NCBP3: variants seen among roughly 807,000 people sequenced by gnomAD.
NCBP3 encodes the protein nuclear cap binding subunit 3, also known as nuclear cap-binding protein subunit 3.
A neutral mutation model predicts 75.7 loss-of-function variants in NCBP3; 20 were observed. That is an observed-to-expected ratio of 0.26 (90% CI 0.19 to 0.38). The LOEUF (loss-of-function observed/expected upper bound fraction) is 0.38. Ranked by LOEUF, NCBP3 falls within the 10% of genes least tolerant of loss-of-function variation. NCBP3 has a pLI of 1.00. For synonymous variants in NCBP3, 293 were observed against 290.5 expected, an observed-to-expected ratio of 1.01 and a Z score of -0.09; for missense variants, 678 against 796.9, an observed-to-expected ratio of 0.85 and a Z score of 1.80.
Position 3,804,524 on chromosome 17 carries a change from C to T in NCBP3, c.*8520G>A, listed in dbSNP as rs150313350. 2,939 of 151,952 alleles carry T rather than the reference C, an allele frequency of 0.019. 28 individuals are homozygous for T. Among genetic ancestry groups the T allele is most frequent in the Middle Eastern group, 0.035 (10 of 284 alleles). 9.4% of individuals were successfully genotyped at this position (151,952 alleles called of 1,614,324 possible). A position where few individuals can be genotyped will look rare whatever the true frequency, so the allele number is the denominator to read the frequency against. On this transcript the variant is annotated 3_prime_UTR_variant, in exon 13 of 13. Transcript: ENST00000389005. ...CTGCGCCATTGCACTCCAGCCTGGG[C>T]GACAAGAGCAAGACTTCATCTCCAA...
rs1207022428 is a variant in NCBP3, at chr17:3,809,125, G to GTAT, written c.*3916_*3918dup. 5 of 151,994 alleles carry GTAT rather than the reference G, an allele frequency of 3.3e-5. No individual in the cohort carries two copies. Among genetic ancestry groups the GTAT allele is most frequent in the East Asian group, 3.9e-4 (2 of 5,152 alleles). The allele number at this position is 151,994 out of a possible 1,614,324, so 9.4% of individuals were successfully genotyped here. A position where few individuals can be genotyped will look rare whatever the true frequency, so the allele number is the denominator to read the frequency against. ...TAACGAAACCCCATCTGTACAAAAT[G>GTAT]TATTTTAAAAAGAAAAAATAAAAAC... On this transcript the variant is annotated 3_prime_UTR_variant, in exon 13 of 13. Transcript: ENST00000389005.
intron 1 of NCBP3, 47 bp downstream of exon 1, chr17:3,845,994 A>T: frequency 6.6e-7 from 1 of 1,522,090 alleles, no homozygotes; most frequent in Non-Finnish European, 8.9e-7. Flanking sequence ...CCGGCGCTAG[A>T]CACTAGCCCC....
chr17:3,820,929 T>TAAA (rs560315361), intron 9 of NCBP3, among the ~76,000 whole-genome samples: 1 of 140,232 alleles, frequency 7.1e-6, no homozygotes, highest in African/African-American at 2.6e-5. Context: ...GACTCCGTCT[T>TAAA]AAAAAAAAAA....
chr17:3,835,906 C>T (rs2053964586), intron 3 of NCBP3, among the ~76,000 whole-genome samples: 2 of 152,210 alleles, frequency 1.3e-5, no homozygotes, highest in Admixed American at 6.5e-5. Flanking sequence ...TAGGAACACA[C>T]GTTTCAGTCA....
Position 3,846,194 on chromosome 17 carries a change from C to T in NCBP3, c.30G>A (p.Ser10=), listed in dbSNP as rs945584516. The T allele has an allele frequency of 1.1e-4, 166 of 1,506,844 alleles. No individual in the cohort carries two copies. In the Middle Eastern group the frequency reaches 1.7e-3, roughly 15 times the overall value. 93.3% of individuals were successfully genotyped at this position (1,506,844 alleles called of 1,614,324 possible). A position where few individuals can be genotyped will look rare whatever the true frequency, so the allele number is the denominator to read the frequency against. MAAVRGLRV[S]VKAEAPAGPA... ...GCCCCGCCGGGGCCTCCGCCTTCAC[C>T]GACACCCGCAGGCCCCGTACGGCCG... The change falls in exon 1 of 13, where the codon TCG becomes TCA. Residue 10 remains serine, a synonymous_variant. Transcript: ENST00000389005. This position sits in a 1 kb window ranked among gnomAD's most constrained non-coding sequence, Gnocchi z 4.6.
In NCBP3 at chr17:3,821,268, C is replaced by T. The variant is rs749386187; in HGVS notation, c.981G>A (p.Ser327=). ...AACTACCAGAATGTCGATGTTTATACGACGTCAAGCCAACGTCATCCCCAA... is the reference window on the plus strand; with the variant it reads ...AACTACCAGAATGTCGATGTTTATATGACGTCAAGCCAACGTCATCCCCAA... ...ALIGDDVGLT[S]YKHRHSGLVN... The change falls in exon 9 of 13, where the codon TCG becomes TCA. Residue 327 remains serine, a synonymous_variant. Transcript: ENST00000389005. The T allele has an allele frequency of 1.6e-5, 26 of 1,613,064 alleles. No individual in the cohort carries two copies. The highest frequency in any genetic ancestry group is 4.5e-5 in the East Asian group (2 of 44,872).
intron 10 of NCBP3, 145 bp from the exon 11 acceptor site, chr17:3,816,415 T>A: frequency 1.3e-6 from 1 of 749,348 alleles, no homozygotes; most frequent in Non-Finnish European, 2.1e-6. Context: ...CATAAACTTA[T>A]AATTATTTGC....
chr17:3,807,126 G>A lies in NCBP3; in HGVS notation c.*5918C>T, dbSNP rs533102926. ...GCTTTAGGCAAAAGAGCCACTGGAG[G>A]AATGAGCTCTGCTCTTTTCACCTGC... is the stretch of plus-strand genomic sequence containing the variant. On this transcript the variant is annotated 3_prime_UTR_variant, in exon 13 of 13. Transcript: ENST00000389005. 4 of 152,356 alleles carry A rather than the reference G, an allele frequency of 2.6e-5. No individual in the cohort carries two copies. In the East Asian group the frequency reaches 7.7e-4, roughly 29 times the overall value. The allele number at this position is 152,356 out of a possible 1,614,324, so 9.4% of individuals were successfully genotyped here.
At chr17:3,814,255 T>G (rs1317074560) in intron 12 of NCBP3, 67 bp downstream of exon 12, 30 of 1,513,558 alleles carry the variant, frequency 2.0e-5, no homozygotes, top group Non-Finnish European at 2.7e-5. Flanking sequence ...AAAGTATTTC[T>G]CCAATACACC....
In NCBP3 at chr17:3,802,706, TC is replaced by T. The variant is rs566148233; in HGVS notation, c.*10337del. ...GGCACTGGGGAGAGTCACAGTGGTC[TC>T]CTCTCCCCCGCATTGGCCTAAAGCA... On this transcript the variant is annotated 3_prime_UTR_variant, in exon 13 of 13. Coordinates refer to ENST00000389005, the MANE Select transcript of NCBP3 (RefSeq NM_001114118.3). 5.9e-5 allele frequency: 9 copies of T among 152,222 alleles called. No individual in the cohort carries two copies. Among genetic ancestry groups the T allele is most frequent in the Non-Finnish European group, 1.2e-4 (8 of 68,072 alleles). 9.4% of individuals were successfully genotyped at this position (152,222 alleles called of 1,614,324 possible).
Position 3,840,020 on chromosome 17 carries a change from G to C in NCBP3, c.355+80C>G. On this transcript the variant is annotated intron_variant, in intron 3 of 12. Transcript: ENST00000389005. ...GATAAGGAGTGGACACGCAAGGCAA[G>C]GCCAGAAGCATGAGGTGATGGCAGG... 3 of 1,122,742 alleles carry C rather than the reference G, an allele frequency of 2.7e-6. No individual in the cohort carries two copies. In the South Asian group the frequency reaches 4.0e-5, roughly 15 times the overall value. 69.5% of individuals were successfully genotyped at this position (1,122,742 alleles called of 1,614,324 possible). A position where few individuals can be genotyped will look rare whatever the true frequency, so the allele number is the denominator to read the frequency against.
intron 11 of NCBP3, 66 bp downstream of exon 11, chr17:3,816,050 T>A (rs756666614): frequency 5.3e-6 from 8 of 1,501,950 alleles, no homozygotes; most frequent in Non-Finnish European, 7.2e-6. Flanking sequence ...CTCAGGAACC[T>A]CTCTCTGCCC....
chr17:3,820,414 C>A (rs560411629), intron 9 of NCBP3, among the ~76,000 whole-genome samples: 1 of 152,154 alleles, frequency 6.6e-6, no homozygotes, highest in South Asian at 2.1e-4. Context: ...GTAGAAGATT[C>A]CATAGATTAG....
chr17:3,825,084 T>A, intron 6 of NCBP3, 34 bp from the exon 7 acceptor site: 1 of 1,224,996 alleles, frequency 8.2e-7, no homozygotes, highest in Non-Finnish European at 1.1e-6. Context: ...ATATAAAAAT[T>A]AAAGTCCTTT....
At position 3,829,244 on chromosome 17, in the gene NCBP3, G is replaced by A. The variant is rs2053837338; in HGVS notation, c.480C>T (p.Ser160=). Residue 160 remains serine (S), a splice_region_variant and synonymous_variant, in exon 4 of 13, where the codon TCC becomes TCT. Transcript: ENST00000389005. ...CACAGGAAACTCGGGTGTACTTACA[G>A]GAGGTATCATCCAACCATTCGATGT... is the stretch of plus-strand genomic sequence containing the variant. ...PAHIEWLDDT[S]CNVVWLDEMT... 6.4e-7 allele frequency: 1 copy of A among 1,551,462 alleles called. No individual in the cohort carries two copies. Among genetic ancestry groups the A allele is most frequent in the African/African-American group, 1.4e-5 (1 of 73,050 alleles).
At chr17:3,833,435 T>G (rs2053919329) in intron 3 of NCBP3, among the ~76,000 whole-genome samples, 1 of 152,294 alleles carries the variant, frequency 6.6e-6, no homozygotes, top group Middle Eastern at 3.4e-3. Context: ...TTTTTGTTCT[T>G]TGTATCTTTA....
At chr17:3,826,925 G>A (rs968447392) in intron 4 of NCBP3, among the ~76,000 whole-genome samples, 3 of 141,964 alleles carry the variant, frequency 2.1e-5, no homozygotes, top group Non-Finnish European at 3.1e-5. Context: ...AGGCAGAATG[G>A]CGTGAACCCG....
intron 11 of NCBP3, 34 bp from the exon 12 acceptor site, chr17:3,814,517 G>C (rs1567580166): frequency 6.2e-7 from 1 of 1,610,466 alleles, no homozygotes; most frequent in African/African-American, 1.3e-5. Context: ...CAGTGACCGT[G>C]TGTGTGCTTT....
In NCBP3 at chr17:3,837,025, G is replaced by A. The variant is rs943810123; in HGVS notation, c.355+3075C>T. Among the ~76,000 whole-genome samples, 6 of 151,964 alleles carry A rather than the reference G, an allele frequency of 3.9e-5. No individual in the cohort carries two copies. In the South Asian group the frequency reaches 1.0e-3, roughly 26 times the overall value. On this transcript the variant is annotated intron_variant, in intron 3 of 12. Coordinates refer to ENST00000389005, the MANE Select transcript of NCBP3 (RefSeq NM_001114118.3). ...TAGTTGGGCATGGTGGTGTGCGTCT[G>A]TAGTCCCAGCTACTCGGGAGGCTGA...
Sources: allele counts gnomAD v4.1 joint callset (sites outside exome capture counted in the v4.1 genomes callset), GRCh38; gene constraint gnomAD v4.1.1; non-coding constraint Gnocchi (gnomAD v3.1); transcripts MANE v1.5; gene names NCBI Gene and HGNC (gene_info 2026-07-23, HGNC 2026-07-21).